The following PTGER3 variants were observed in gnomAD, a reference collection of about 807,000 sequenced individuals.
The protein encoded by PTGER3 is prostaglandin E2 receptor EP3 subtype.
PTGER3 carries 22 observed loss-of-function variants against 34.7 expected under a neutral mutation model. The ratio of observed to expected loss-of-function variants is 0.63; its 90% confidence interval spans 0.45 to 0.91. The LOEUF (loss-of-function observed/expected upper bound fraction) is 0.91, where lower values mean the gene tolerates loss of function less well. Among genes scored for constraint, PTGER3 ranks in the 40% least tolerant of loss-of-function variants. The pLI, the probability that PTGER3 is intolerant of heterozygous loss-of-function variation, is 0.00. For synonymous variants in PTGER3, 241 were observed against 230.1 expected (o/e 1.05, Z -0.43); for missense variants, 468 against 519.4 (o/e 0.90, Z 0.96).
intron 4 of PTGER3, chr1:70,865,539 G>T: frequency 1.9e-6 from 2 of 1,036,930 alleles, no homozygotes; most frequent in South Asian, 1.5e-5. Context: ...TCTCTTCAGG[G>T]TTCTTGACTT....
intron 2 of PTGER3, among the ~76,000 whole-genome samples, chr1:70,959,157 C>A (rs1287571619): frequency 6.6e-6 from 1 of 152,130 alleles, no homozygotes; most frequent in East Asian, 1.9e-4. Flanking sequence ...CTATCTGGGT[C>A]TTCCGTGGTT....
At chr1:70,882,871 C>T (rs1421387547) in intron 4 of PTGER3, among the ~76,000 whole-genome samples, 2 of 152,276 alleles carry the variant, frequency 1.3e-5, no homozygotes, top group African/African-American at 4.8e-5. Flanking sequence ...TGATGGATCC[C>T]AATGTGGTTT....
Position 70,982,402 on chromosome 1 carries a change from T to G in PTGER3, c.1078-8014A>C, listed in dbSNP as rs533803048. On this transcript the variant is annotated intron_variant, in intron 2 of 3. Coordinates refer to ENST00000306666, the MANE Select transcript of PTGER3 (RefSeq NM_198719.2). ...TGTCTGACAGATCTACTGTCAGATTTGGGAGGGAAAACATCGATCAGTATA... is the reference window on the plus strand; with the variant it reads ...TGTCTGACAGATCTACTGTCAGATTGGGGAGGGAAAACATCGATCAGTATA... Among the ~76,000 whole-genome samples the G allele has an allele frequency of 1.1e-4, 17 of 152,198 alleles. No individual in the cohort carries two copies. In the South Asian group the frequency reaches 3.3e-3, roughly 30 times the overall value.
chr1:71,015,349 A>C (rs1236072815), intron 1 of PTGER3, among the ~76,000 whole-genome samples: 1 of 152,188 alleles, frequency 6.6e-6, no homozygotes, highest in Non-Finnish European at 1.5e-5. Context: ...TGGACATAAC[A>C]TCAACACGTA....
At chr1:70,915,856 A>G (rs891881979) in intron 4 of PTGER3, among the ~76,000 whole-genome samples, 4 of 151,934 alleles carry the variant, frequency 2.6e-5, no homozygotes, top group Admixed American at 1.3e-4. Context: ...AAATCCCCAG[A>G]AGCAATTGCA....
At position 71,047,222 on chromosome 1, in the gene PTGER3, C is replaced by G. The variant is rs201730955; in HGVS notation, c.356G>C (p.Arg119Pro). The G allele has an allele frequency of 1.9e-6, 3 of 1,597,216 alleles. No individual in the cohort carries two copies. The highest frequency in any genetic ancestry group is 1.3e-5 in the African/African-American group (1 of 74,802). Residue 119 changes from arginine (R) to proline (P), a missense_variant, in exon 1 of 4, where the codon CGT (arginine) becomes CCT (proline). Physicochemically the swap from Arg to Pro is moderately radical, Grantham distance 103. Transcript: ENST00000306666. ...CCCCGACGGGTCGATGTGCTCCCAA[C>G]GCTGCTTGGACAGGTACACGACGAT... ...VVIVVYLSKQ[R>P]WEHIDPSGRL...
At chr1:70,953,148 T>C (rs1650945304) in intron 3 of PTGER3, 3 of 1,108,944 alleles carry the variant, frequency 2.7e-6, no homozygotes, top group African/African-American at 3.2e-5. Context: ...GGTGATACAG[T>C]ATAATCACTA....
At chr1:71,006,622 A>G (rs1656991833) in intron 2 of PTGER3, 1 of 979,082 alleles carries the variant, frequency 1.0e-6, no homozygotes. Context: ...CATCATGTTG[A>G]AAATCGGAAA....
intron 4 of PTGER3, among the ~76,000 whole-genome samples, chr1:70,899,286 C>T (rs1446404507): frequency 6.6e-6 from 1 of 151,904 alleles, no homozygotes; most frequent in African/African-American, 2.4e-5. Flanking sequence ...AGTTGTGATA[C>T]AATGTAAGGA....
chr1:70,949,139 G>A (rs961844405), downstream of PTGER3, among the ~76,000 whole-genome samples: 5 of 151,896 alleles, frequency 3.3e-5, no homozygotes, highest in Middle Eastern at 3.4e-3. Flanking sequence ...ACACATCTAC[G>A]GATAAATATA....
intron 4 of PTGER3, among the ~76,000 whole-genome samples, chr1:70,946,463 A>T (rs1471963015): frequency 6.6e-6 from 1 of 152,114 alleles, no homozygotes; most frequent in East Asian, 1.9e-4. Context: ...CCACTACTTA[A>T]CCTGCCATGT....
intron 4 of PTGER3, among the ~76,000 whole-genome samples, chr1:70,906,699 T>C (rs1009722210): frequency 6.6e-5 from 10 of 152,186 alleles, no homozygotes; most frequent in Non-Finnish European, 1.0e-4. Flanking sequence ...AGTGGGATAG[T>C]AAGTTCAAGT....
chr1:71,010,703 T>C (rs892495520), intron 2 of PTGER3: 22 of 984,236 alleles, frequency 2.2e-5, no homozygotes, highest in African/African-American at 1.0e-4. Flanking sequence ...ATAGTCTATT[T>C]ATCACCTTTT....
chr1:70,955,808 G>A (rs556044256), intron 2 of PTGER3, among the ~76,000 whole-genome samples: 1 of 152,180 alleles, frequency 6.6e-6, no homozygotes, highest in African/African-American at 2.4e-5. Context: ...TTCATTCAAG[G>A]GTGGAATTGT....
At position 71,012,319 on chromosome 1, in the gene PTGER3, G is replaced by A. The variant is rs750859595; in HGVS notation, c.1063C>T (p.Arg355Ter). 16 of 1,613,978 alleles carry A rather than the reference G, an allele frequency of 9.9e-6. No homozygotes were observed. The highest frequency in any genetic ancestry group is 3.3e-5 in the Admixed American group (2 of 59,982). The change falls in exon 2 of 4, where the codon CGA becomes TGA. Residue 355 changes from arginine to a stop codon, truncating the protein, a stop_gained. Transcript: ENST00000306666. LOFTEE classifies it high-confidence loss of function. The part of the protein sequence containing the change: ...VYLLLRKILL[R>*]KFCQIRYHTN... ...GCATTTGCTACCTGGCAAAACTTTCGAAGAAGGATCTTTCTTAACAGCAGG... is the reference window on the plus strand; with the variant it reads ...GCATTTGCTACCTGGCAAAACTTTCAAAGAAGGATCTTTCTTAACAGCAGG...
At chr1:70,908,677 G>T (rs1033185256) in intron 4 of PTGER3, among the ~76,000 whole-genome samples, 9 of 152,138 alleles carry the variant, frequency 5.9e-5, no homozygotes, top group Non-Finnish European at 7.3e-5. Context: ...TAAGCCAGGG[G>T]TCTATAAGAA....
At chr1:70,937,522 T>C (rs771361705) in intron 4 of PTGER3, among the ~76,000 whole-genome samples, 1 of 152,146 alleles carries the variant, frequency 6.6e-6, no homozygotes, top group Admixed American at 6.5e-5. Context: ...TGGACCAAGA[T>C]GAATCCCTGA....
At chr1:70,952,321 C>G (rs892620475), downstream of PTGER3, 5 of 754,020 alleles carry the variant, frequency 6.6e-6, no homozygotes, top group Non-Finnish European at 8.1e-6. Context: ...GGGTTATGAA[C>G]CCTGCCTTCC....
chr1:70,944,384 C>A lies in PTGER3; in HGVS notation c.*23+9379G>T, dbSNP rs116267306. On this transcript the variant is annotated intron_variant, in intron 4 of 4. Transcript: ENST00000370931. ...CAACAGCTTGAAGCTCCTGGTTGCC[C>A]TGTTACCACCATGAAAAGAGTACCT... is the stretch of plus-strand genomic sequence containing the variant. Among the ~76,000 whole-genome samples the A allele has an allele frequency of 7.2e-3, 1,102 of 152,166 alleles. 15 individuals carry two copies. Among genetic ancestry groups the A allele is most frequent in the African/African-American group, 0.025 (1,058 of 41,520 alleles).
Sources: gnomAD v4.1 joint callset for allele counts (sites outside exome capture counted in the v4.1 genomes callset) on GRCh38, gnomAD v4.1.1 for gene constraint, MANE v1.5 for transcripts, NCBI Gene and HGNC (gene_info 2026-07-23, HGNC 2026-07-21) for gene names.